DCDC2: variants seen among roughly 807,000 people sequenced by gnomAD.
DCDC2 encodes the protein doublecortin domain-containing protein 2.
A neutral mutation model predicts 50.2 loss-of-function variants in DCDC2; 40 were observed. The observed-to-expected ratio is 0.80, with a 90% CI of 0.62 to 1.04. The LOEUF (loss-of-function observed/expected upper bound fraction) is 1.04, where lower values mean the gene tolerates loss of function less well. Ranked by LOEUF, DCDC2 falls within the 50% of genes least tolerant of loss-of-function variation. DCDC2 has a pLI of 0.00. For synonymous variants in DCDC2, 234 were observed against 210.6 expected, an observed-to-expected ratio of 1.11 and a Z score of -0.96; for missense variants, 570 against 581.9, an observed-to-expected ratio of 0.98 and a Z score of 0.21.
At chr6:24,220,879 A>AGAGTGAGAGAGTGAGCGAGC (rs1554146330) in intron 7 of DCDC2, among the ~76,000 whole-genome samples, 2 of 107,030 alleles carry the variant, frequency 1.9e-5, no homozygotes, top group South Asian at 3.1e-4. Context: ...CAAGAGAGCG[A>AGAGTGAGAGAGTGAGCGAGC]GAGCGAGAGA....
chr6:24,377,880 T>C, the DCDC2 span, among the ~76,000 whole-genome samples: 1 of 151,970 alleles, frequency 6.6e-6, no homozygotes, highest in Admixed American at 6.6e-5. Flanking sequence ...TCCCAGCTAC[T>C]CAGGAGGCTG....
chr6:24,247,164 A>T (rs978576776), intron 7 of DCDC2, among the ~76,000 whole-genome samples: 12 of 152,144 alleles, frequency 7.9e-5, no homozygotes, highest in Non-Finnish European at 1.6e-4. Context: ...CAGTAAAGTT[A>T]TCCAATCAAA....
intron 1 of DCDC2, among the ~76,000 whole-genome samples, chr6:24,355,452 A>T (rs542513468): frequency 5.9e-5 from 9 of 152,350 alleles, no homozygotes; most frequent in African/African-American, 1.7e-4. Flanking sequence ...GGAACTGGTC[A>T]TAGAGGTGTC....
At chr6:24,263,975 C>G (rs1049770641) in intron 7 of DCDC2, among the ~76,000 whole-genome samples, 2 of 152,064 alleles carry the variant, frequency 1.3e-5, no homozygotes, top group East Asian at 3.9e-4. Context: ...AGAAAATGTC[C>G]TAAAAGCAGC....
intron 6 of DCDC2, among the ~76,000 whole-genome samples, chr6:24,283,037 G>A (rs1212672724): frequency 6.6e-6 from 1 of 152,160 alleles, no homozygotes; most frequent in Non-Finnish European, 1.5e-5. Context: ...ACCATAAGAT[G>A]TATAAGCCAA....
chr6:24,233,489 T>C (rs891527778), intron 7 of DCDC2, among the ~76,000 whole-genome samples: 1 of 152,222 alleles, frequency 6.6e-6, no homozygotes, highest in African/African-American at 2.4e-5. Flanking sequence ...ATAAATTGCT[T>C]AGTGTCAGAA....
chr6:24,277,980 A>T, intron 7 of DCDC2, 69 bp downstream of exon 7: 1 of 1,296,130 alleles, frequency 7.7e-7, no homozygotes. Context: ...CTGTGGGCCC[A>T]GAGAAACAAT....
intron 7 of DCDC2, among the ~76,000 whole-genome samples, chr6:24,233,865 G>A (rs1762384668): frequency 6.6e-6 from 1 of 152,290 alleles, no homozygotes. Flanking sequence ...AGGGAAATGT[G>A]ATGATTATGT....
rs563360384 is a variant in DCDC2, at chr6:24,191,498, T to C, written c.1024-12866A>G. Among the ~76,000 whole-genome samples, 4 of 152,286 alleles carry C rather than the reference T, an allele frequency of 2.6e-5. No homozygotes were observed. The East Asian group carries it at 7.7e-4, about 29-fold the overall frequency. ...CAGGTCAAAAAACATAAATTTATAA[T>C]TGAAAACAGATGATAGGCATAGGGA... On this transcript the variant is annotated intron_variant, in intron 8 of 9. Transcript: ENST00000378454.
At chr6:24,249,683 A>G (rs936446068) in intron 7 of DCDC2, among the ~76,000 whole-genome samples, 2 of 152,228 alleles carry the variant, frequency 1.3e-5, no homozygotes, top group African/African-American at 4.8e-5. Flanking sequence ...AGTTGTAATC[A>G]TTGTGAATTA....
intron 7 of DCDC2, among the ~76,000 whole-genome samples, chr6:24,275,367 T>C (rs1019386030): frequency 2.0e-5 from 3 of 152,188 alleles, no homozygotes; most frequent in Non-Finnish European, 4.4e-5. Flanking sequence ...CTAATATGCT[T>C]AAAGTTATCA....
chr6:24,290,437 C>T (rs1017279212), intron 5 of DCDC2, among the ~76,000 whole-genome samples: 1 of 152,150 alleles, frequency 6.6e-6, no homozygotes, highest in African/African-American at 2.4e-5. Context: ...CATGAATTAA[C>T]TGTACACCCA....
chr6:24,291,949 T>C (rs1763761104), intron 4 of DCDC2, among the ~76,000 whole-genome samples: 1 of 152,090 alleles, frequency 6.6e-6, no homozygotes, highest in African/African-American at 2.4e-5. Flanking sequence ...AAAGAACCCA[T>C]TGCCAGTGTT....
chr6:24,378,024 C>A, the DCDC2 span, among the ~76,000 whole-genome samples: 1 of 152,196 alleles, frequency 6.6e-6, no homozygotes, highest in Non-Finnish European at 1.5e-5. Flanking sequence ...AAGTGCCCAG[C>A]ACATTGTATG....
chr6:24,365,581 C>T, the DCDC2 span: 7 of 152,042 alleles, frequency 4.6e-5, no homozygotes, highest in Admixed American at 4.6e-4. Context: ...CGTAAGCCAC[C>T]ACATCCAGCC....
intron 6 of DCDC2, among the ~76,000 whole-genome samples, chr6:24,283,101 A>G (rs553594137): frequency 1.3e-5 from 2 of 152,308 alleles, no homozygotes; most frequent in East Asian, 1.9e-4. Context: ...ACTTTCAAAT[A>G]CTTTCCTAAT....
At chr6:24,327,317 T>C (rs886133463) in intron 2 of DCDC2, among the ~76,000 whole-genome samples, 1 of 149,558 alleles carries the variant, frequency 6.7e-6, no homozygotes, top group Admixed American at 6.7e-5. Flanking sequence ...ACTTTGTTAA[T>C]CTTGCTTACT....
chr6:24,353,646 A>G lies in DCDC2; in HGVS notation c.294-23T>C, dbSNP rs373500362. 127 of 1,476,366 alleles carry G rather than the reference A, an allele frequency of 8.6e-5. No homozygotes were observed. In the African/African-American group the frequency reaches 9.0e-4, roughly 10 times the overall value. 91.5% of individuals were successfully genotyped at this position (1,476,366 alleles called of 1,614,324 possible). A position where few individuals can be genotyped will look rare whatever the true frequency, so the allele number is the denominator to read the frequency against. Reference sequence around the variant, plus strand: ...TAACTGAGGAAAAAACAAACAAACAATAAGAGTTGCTTTTATAGACTTTAA... The same window carrying G: ...TAACTGAGGAAAAAACAAACAAACAGTAAGAGTTGCTTTTATAGACTTTAA... On this transcript the variant is annotated intron_variant, in intron 1 of 9. Transcript: ENST00000378454.
At chr6:24,230,435 A>G (rs1320972835) in intron 7 of DCDC2, among the ~76,000 whole-genome samples, 3 of 152,150 alleles carry the variant, frequency 2.0e-5, no homozygotes, top group African/African-American at 7.2e-5. Flanking sequence ...TGAGCGCAGG[A>G]GTTCAAGACC....
Sources: allele counts gnomAD v4.1 joint callset (sites outside exome capture counted in the v4.1 genomes callset), GRCh38; gene constraint gnomAD v4.1.1; transcripts MANE v1.5; gene names NCBI Gene and HGNC (gene_info 2026-07-23, HGNC 2026-07-21).